Variants in SMOC2 observed in about 807,000 individuals in gnomAD.
SMOC2 encodes the protein SPARC related modular calcium binding 2.
A neutral mutation model predicts 61.4 loss-of-function variants in SMOC2; 39 were observed. The ratio of observed to expected loss-of-function variants is 0.64; its 90% CI spans 0.49 to 0.83. SMOC2 has a LOEUF of 0.83. Among genes scored for constraint, SMOC2 ranks in the 40% least tolerant of loss-of-function variants. The pLI, the probability that SMOC2 is intolerant of heterozygous loss-of-function variation, is 0.00. For missense variants in SMOC2, 556 were observed against 592.9 expected (o/e 0.94, Z 0.65); for synonymous variants, 247 against 239.9 (o/e 1.03, Z -0.27).
intron 7 of SMOC2, among the ~76,000 whole-genome samples, chr6:168,597,362 T>C (rs191934135): frequency 4.0e-4 from 61 of 152,346 alleles, no homozygotes; most frequent in Admixed American, 2.7e-3. Flanking sequence ...TTATTTATTA[T>C]CTCAAAAGAA....
intron 6 of SMOC2, among the ~76,000 whole-genome samples, chr6:168,548,037 C>G (rs528526722): frequency 6.6e-6 from 1 of 152,272 alleles, no homozygotes; most frequent in South Asian, 2.1e-4. Flanking sequence ...TAAAAATTAT[C>G]AGGTCAAAGG....
At chr6:168,662,093 C>G (rs982805201) in intron 11 of SMOC2, among the ~76,000 whole-genome samples, 3 of 152,180 alleles carry the variant, frequency 2.0e-5, no homozygotes, top group Non-Finnish European at 4.4e-5. Flanking sequence ...GGATAGAAAT[C>G]AACAGTTAAT....
chr6:168,544,269 C>T lies in SMOC2; in HGVS notation c.511+597C>T, dbSNP rs1339707445. Reference sequence around the variant, plus strand: ...TTGCCTCGGCCAACACCCTTCAGTACCAGGACACATTTCTGCTTTTCTCTT... The same window carrying T: ...TTGCCTCGGCCAACACCCTTCAGTATCAGGACACATTTCTGCTTTTCTCTT... On this transcript the variant is annotated intron_variant, in intron 5 of 12. Transcript: ENST00000356284. This position sits in a 1 kb window ranked among gnomAD's most constrained non-coding sequence, Gnocchi z 4.1. Among the ~76,000 whole-genome samples, 2 of 152,162 alleles carry T rather than the reference C, an allele frequency of 1.3e-5. No individual in the cohort carries two copies. The highest frequency in any genetic ancestry group is 3.8e-4 in the East Asian group (2 of 5,200).
intron 9 of SMOC2, among the ~76,000 whole-genome samples, chr6:168,625,403 C>T (rs990405079): frequency 2.6e-5 from 4 of 152,240 alleles, no homozygotes; most frequent in African/African-American, 7.2e-5. Context: ...CAGCTCCTCG[C>T]TGTGCCGGAG....
chr6:168,575,049 A>G (rs1177396009), intron 7 of SMOC2, among the ~76,000 whole-genome samples: 2 of 152,230 alleles, frequency 1.3e-5, no homozygotes, highest in Admixed American at 6.5e-5. Flanking sequence ...AAGGCCTGCC[A>G]GCTTAGCAGC....
chr6:168,488,223 A>T (rs569932007), intron 1 of SMOC2, among the ~76,000 whole-genome samples: 1 of 151,902 alleles, frequency 6.6e-6, no homozygotes, highest in Non-Finnish European at 1.5e-5. Flanking sequence ...TGCCTCCGGC[A>T]CTCCTTGGCA....
intron 7 of SMOC2, among the ~76,000 whole-genome samples, chr6:168,584,087 C>T (rs79543633): frequency 0.014 from 2,149 of 152,294 alleles, 65 homozygotes; most frequent in African/African-American, 0.049. Context: ...GGAGCCAGGC[C>T]GGCCAATAGT....
In SMOC2 at chr6:168,549,171, A is replaced by G. The variant is rs573327652; in HGVS notation, c.605A>G (p.Lys202Arg). ...CCTACCCTTTGGACTGAACAGGTTA[A>G]AAGTCGGCAGAACAAAACCAATAAG... ...RYPTLWTEQVKSRQNKTNKNS... is the reference protein window; with the variant it reads ...RYPTLWTEQVRSRQNKTNKNS... Residue 202 changes from lysine (K) to arginine (R), a missense_variant, in exon 7 of 13, where the codon AAA (lysine) becomes AGA (arginine). By Grantham distance (26) the Lys-to-Arg change is conservative. Coordinates refer to ENST00000356284, the MANE Select transcript of SMOC2 (RefSeq NM_001166412.2). 1.4e-5 allele frequency: 22 copies of G among 1,614,208 alleles called. No individual in the cohort carries two copies. The South Asian group carries it at 2.2e-4, about 16-fold the overall frequency.
intron 8 of SMOC2, among the ~76,000 whole-genome samples, chr6:168,599,542 A>T (rs12205609): frequency 1.7e-3 from 68 of 39,964 alleles, no homozygotes; most frequent in African/African-American, 4.3e-3. Flanking sequence ...ACACCCACTC[A>T]CACACACTCA....
intron 6 of SMOC2, 102 bp from the exon 7 acceptor site, chr6:168,549,027 G>T (rs926123253): frequency 1.2e-6 from 1 of 843,002 alleles, no homozygotes; most frequent in Non-Finnish European, 2.1e-6. Flanking sequence ...GTGTTATGTT[G>T]ATTTATTTTG....
rs1781498125 is a variant in SMOC2, at chr6:168,453,013, C to CG, written c.84+11564dup. On this transcript the variant is annotated intron_variant, in intron 1 of 12. Transcript: ENST00000356284. The surrounding 1 kb of genome is among the most constrained non-coding windows in gnomAD (Gnocchi z 4.4). ...CTCCCAGTGGCTCTGACAGCAGGGC[C>CG]GGGGGCATAGTTCCCTGGAAGTCGG... Among the ~76,000 whole-genome samples the CG allele has an allele frequency of 6.6e-6, 1 of 152,200 alleles. No individual in the cohort carries two copies. The highest frequency in any genetic ancestry group is 6.5e-5 in the Admixed American group (1 of 15,288).
At chr6:168,543,381 A>G (rs1019052624) in intron 4 of SMOC2, among the ~76,000 whole-genome samples, 3 of 152,188 alleles carry the variant, frequency 2.0e-5, no homozygotes, top group Non-Finnish European at 2.9e-5. Flanking sequence ...TTAAGGTCTT[A>G]TATACATGTG....
At chr6:168,635,044 G>A (rs1378656952) in intron 9 of SMOC2, among the ~76,000 whole-genome samples, 4 of 152,192 alleles carry the variant, frequency 2.6e-5, no homozygotes, top group African/African-American at 9.7e-5. Context: ...ACAGGATGTA[G>A]AACACAGCCT....
At chr6:168,517,733 G>A (rs1401692125) in intron 2 of SMOC2, among the ~76,000 whole-genome samples, 2 of 151,990 alleles carry the variant, frequency 1.3e-5, no homozygotes, top group African/African-American at 4.8e-5. Flanking sequence ...GGAGGACCCC[G>A]CCTTTTCCTC....
chr6:168,525,685 G>C (rs1252940558), intron 2 of SMOC2, among the ~76,000 whole-genome samples: 3 of 152,114 alleles, frequency 2.0e-5, no homozygotes, highest in Non-Finnish European at 4.4e-5. Context: ...TTTCTAAGAA[G>C]ACCTGACCCT....
At chr6:168,629,409 A>G (rs1411771266) in intron 9 of SMOC2, among the ~76,000 whole-genome samples, 1 of 152,226 alleles carries the variant, frequency 6.6e-6, no homozygotes, top group Non-Finnish European at 1.5e-5. Context: ...CTGGCTGTCA[A>G]AGGCTCCAGG....
intron 9 of SMOC2, among the ~76,000 whole-genome samples, chr6:168,614,272 T>C (rs866507616): frequency 1.8e-4 from 8 of 44,856 alleles, no homozygotes; most frequent in East Asian, 8.1e-4. Flanking sequence ...GGCCTCTTTA[T>C]ACCTACAGCC....
intron 9 of SMOC2, among the ~76,000 whole-genome samples, chr6:168,637,582 C>A (rs1786772007): frequency 6.6e-6 from 1 of 152,194 alleles, no homozygotes; most frequent in Admixed American, 6.5e-5. Flanking sequence ...AGCTGAGCTG[C>A]CGAATGTTTG....
chr6:168,459,698 T>G (rs549098130), intron 1 of SMOC2, among the ~76,000 whole-genome samples: 1 of 38,838 alleles, frequency 2.6e-5, no homozygotes, highest in African/African-American at 1.0e-4. Context: ...GGGTGAGCCC[T>G]GGGGTGGGTG....
Sources: allele counts gnomAD v4.1 joint callset (sites outside exome capture counted in the v4.1 genomes callset), GRCh38; gene constraint gnomAD v4.1.1; non-coding constraint Gnocchi (gnomAD v3.1); transcripts MANE v1.5; gene names NCBI Gene and HGNC (gene_info 2026-07-23, HGNC 2026-07-21).